The following MBOAT1 variants were observed in gnomAD, a reference collection of about 807,000 sequenced individuals.
MBOAT1 encodes the protein membrane bound glycerophospholipid O-acyltransferase 1.
MBOAT1 carries 67 observed loss-of-function variants against 64.4 expected under a neutral mutation model. The observed-to-expected ratio is 1.04, with a 90% CI of 0.85 to 1.27. MBOAT1 has a LOEUF of 1.27. MBOAT1 is among the 50% of genes most tolerant of loss of function. The pLI is 0.00. For synonymous variants in MBOAT1, 229 were observed against 218.9 expected, an observed-to-expected ratio of 1.05 and a Z score of -0.41; for missense variants, 563 against 604.6, an observed-to-expected ratio of 0.93 and a Z score of 0.72.
Position 20,122,675 on chromosome 6 carries a change from T to C in MBOAT1, c.907+1733A>G, listed in dbSNP as rs543662206. Among the ~76,000 whole-genome samples, 8 of 152,204 alleles carry C rather than the reference T, an allele frequency of 5.3e-5. No individual in the cohort carries two copies. In the East Asian group the frequency reaches 1.5e-3, roughly 29 times the overall value. On this transcript the variant is annotated intron_variant, in intron 8 of 12. Transcript: ENST00000324607. ...GAGGAAGGAATGGGGAGTTATTTTT[T>C]ACTGGGTACAGAGTTTCTGTTTGGG...
At chr6:20,193,746 A>G (rs970344067) in intron 1 of MBOAT1, among the ~76,000 whole-genome samples, 8 of 151,486 alleles carry the variant, frequency 5.3e-5, no homozygotes, top group Non-Finnish European at 1.0e-4. Flanking sequence ...AGCTGGGACT[A>G]TAGGCACCCG....
intron 1 of MBOAT1, among the ~76,000 whole-genome samples, chr6:20,168,401 G>A (rs1762070061): frequency 6.6e-6 from 1 of 151,706 alleles, no homozygotes; most frequent in South Asian, 2.1e-4. Context: ...GGAGATGGAG[G>A]TTGCAGTGAG....
intron 12 of MBOAT1, 110 bp from the exon 13 acceptor site, chr6:20,102,522 T>C: frequency 1.2e-6 from 1 of 869,260 alleles, no homozygotes; most frequent in Non-Finnish European, 1.7e-6. Context: ...CTTTTGGCAG[T>C]AGGAGGCCTG....
intron 7 of MBOAT1, among the ~76,000 whole-genome samples, chr6:20,125,418 C>G (rs1246577333): frequency 6.6e-6 from 1 of 152,222 alleles, no homozygotes; most frequent in Non-Finnish European, 1.5e-5. Context: ...AGCTATACCA[C>G]TGATAGGCAC....
At chr6:20,171,569 T>C (rs1477970576) in intron 1 of MBOAT1, among the ~76,000 whole-genome samples, 2 of 151,932 alleles carry the variant, frequency 1.3e-5, no homozygotes, top group Middle Eastern at 3.2e-3. Context: ...ATAATAATGA[T>C]AATAATTTTA....
intron 1 of MBOAT1, among the ~76,000 whole-genome samples, chr6:20,173,087 C>T (rs1294489183): frequency 6.6e-6 from 1 of 152,228 alleles, no homozygotes; most frequent in East Asian, 1.9e-4. Flanking sequence ...TGCCTTCTCC[C>T]ACTTCACCTT....
intron 8 of MBOAT1, among the ~76,000 whole-genome samples, chr6:20,121,552 G>A (rs1042306045): frequency 1.3e-5 from 2 of 152,146 alleles, no homozygotes; most frequent in South Asian, 2.1e-4. Flanking sequence ...GGAACTCCCC[G>A]AAGGGTAGAA....
intron 1 of MBOAT1, among the ~76,000 whole-genome samples, chr6:20,159,561 T>G (rs750849619): frequency 6.6e-6 from 1 of 152,064 alleles, no homozygotes; most frequent in Non-Finnish European, 1.5e-5. Context: ...CTTAAGTGCA[T>G]GTGGAATCTA....
chr6:20,133,273 TCA>T (rs1187876348), intron 4 of MBOAT1, among the ~76,000 whole-genome samples: 6 of 152,222 alleles, frequency 3.9e-5, no homozygotes, highest in Non-Finnish European at 8.8e-5. Flanking sequence ...CAAGATGTAC[TCA>T]CAGATGACAC....
At chr6:20,161,695 G>A (rs1761866999) in intron 1 of MBOAT1, among the ~76,000 whole-genome samples, 1 of 152,180 alleles carries the variant, frequency 6.6e-6, no homozygotes, top group African/African-American at 2.4e-5. Context: ...CATGGAGCAA[G>A]TCACAAAGTC....
At chr6:20,176,450 A>C (rs1357386393) in intron 1 of MBOAT1, among the ~76,000 whole-genome samples, 4 of 152,058 alleles carry the variant, frequency 2.6e-5, no homozygotes, top group Non-Finnish European at 5.9e-5. Context: ...ATGGATCCAA[A>C]CCTGAGGTCC....
chr6:20,125,984 A>C, intron 7 of MBOAT1: 10 of 313,450 alleles, frequency 3.2e-5, no homozygotes, highest in South Asian at 2.6e-4. Flanking sequence ...TTGACTAATT[A>C]GAGATTGATA....
intron 1 of MBOAT1, among the ~76,000 whole-genome samples, chr6:20,165,626 C>T: frequency 6.6e-6 from 1 of 151,958 alleles, no homozygotes; most frequent in East Asian, 1.9e-4. Context: ...ACCTGTAATC[C>T]CAGCTACTCA....
At chr6:20,207,416 G>A (rs1763296362) in intron 1 of MBOAT1, among the ~76,000 whole-genome samples, 1 of 152,210 alleles carries the variant, frequency 6.6e-6, no homozygotes, top group Non-Finnish European at 1.5e-5. Flanking sequence ...AAATTCAGCA[G>A]GACGGGGCAG....
intron 1 of MBOAT1, among the ~76,000 whole-genome samples, chr6:20,195,440 C>T (rs1229980243): frequency 6.6e-6 from 1 of 152,122 alleles, no homozygotes; most frequent in Non-Finnish European, 1.5e-5. Flanking sequence ...GTTCTAGGTT[C>T]ACCTTGTATA....
chr6:20,166,977 A>G (rs1472903888), intron 1 of MBOAT1, among the ~76,000 whole-genome samples: 1 of 152,058 alleles, frequency 6.6e-6, no homozygotes, highest in Non-Finnish European at 1.5e-5. Context: ...AAGAAAAGGG[A>G]AAAGGAAAAA....
chr6:20,183,283 C>T (rs1762560661), intron 1 of MBOAT1, among the ~76,000 whole-genome samples: 1 of 152,124 alleles, frequency 6.6e-6, no homozygotes, highest in Admixed American at 6.5e-5. Context: ...CTAAAACAAA[C>T]CAAAAAATAA....
At chr6:20,139,602 G>A (rs1442617432) in intron 4 of MBOAT1, among the ~76,000 whole-genome samples, 1 of 136,654 alleles carries the variant, frequency 7.3e-6, no homozygotes, top group Non-Finnish European at 1.5e-5. Flanking sequence ...TTGCCCAGGT[G>A]GAGTACAGTG....
intron 1 of MBOAT1, among the ~76,000 whole-genome samples, chr6:20,161,723 G>C (rs1761867916): frequency 6.6e-6 from 1 of 152,162 alleles, no homozygotes; most frequent in African/African-American, 2.4e-5. Flanking sequence ...GGTAGAGCCA[G>C]GGTTTCAAAC....
Sources: gnomAD v4.1 joint callset for allele counts (sites outside exome capture counted in the v4.1 genomes callset) on GRCh38, gnomAD v4.1.1 for gene constraint, MANE v1.5 for transcripts, NCBI Gene and HGNC (gene_info 2026-07-23, HGNC 2026-07-21) for gene names.